Variants in GNB1L observed in about 807,000 individuals in gnomAD.
GNB1L encodes the protein guanine nucleotide-binding protein subunit beta-like protein 1.
In GNB1L, 20 loss-of-function variants were observed where a neutral mutation model predicts 29.1. The observed-to-expected ratio is 0.69, with a 90% CI of 0.48 to 1.00. The LOEUF (loss-of-function observed/expected upper bound fraction) is 1.00, where lower values mean the gene tolerates loss of function less well. GNB1L is among the 50% of genes least tolerant of loss of function. GNB1L has a pLI of 0.00. For synonymous variants in GNB1L, 193 were observed against 206.5 expected (o/e 0.93, Z 0.56); for missense variants, 421 against 464.9 (o/e 0.91, Z 0.87).
chr22:19,808,549 C>A (rs992300943), intron 5 of GNB1L, among the ~76,000 whole-genome samples: 1 of 152,104 alleles, frequency 6.6e-6, no homozygotes, highest in Non-Finnish European at 1.5e-5. Flanking sequence ...GGATTCCTTG[C>A]GGAAAAACCG....
intron 7 of GNB1L, among the ~76,000 whole-genome samples, chr22:19,799,773 G>A (rs978831558): frequency 2.0e-5 from 3 of 152,186 alleles, no homozygotes; most frequent in East Asian, 1.9e-4. Flanking sequence ...GCTTGCTCCC[G>A]GGTGGCAAGA....
rs374008552 is a variant in GNB1L, at chr22:19,852,166, C to T, written c.-21+2277G>A. ...GGGTGTATGCCACCCCAGGAGACGC[C>T]TTGTCCATCTGCTGCCATGGATGTG... On this transcript the variant is annotated intron_variant, in intron 2 of 7. Coordinates refer to ENST00000329517, the MANE Select transcript of GNB1L (RefSeq NM_053004.3). 16 of 1,613,976 alleles carry T rather than the reference C, an allele frequency of 9.9e-6. No homozygotes were observed. The African/African-American group carries it at 1.7e-4, about 17-fold the overall frequency.
chr22:19,806,425 G>A (rs1937435208), intron 6 of GNB1L, among the ~76,000 whole-genome samples: 1 of 152,240 alleles, frequency 6.6e-6, no homozygotes, highest in African/African-American at 2.4e-5. Context: ...ACGAGGACCT[G>A]CTGCCACTGC....
intron 2 of GNB1L, among the ~76,000 whole-genome samples, chr22:19,837,711 A>C (rs1435276534): frequency 6.6e-6 from 1 of 152,220 alleles, no homozygotes; most frequent in African/African-American, 2.4e-5. Flanking sequence ...CATACTGGAG[A>C]CAACCCAAAT....
At chr22:19,821,512 G>A in intron 2 of GNB1L, 137 bp from the exon 3 acceptor site, 2 of 831,330 alleles carry the variant, frequency 2.4e-6, no homozygotes, top group Non-Finnish European at 3.7e-6. Context: ...GGAGAGAGGT[G>A]CCACTGCTCC....
At chr22:19,839,117 G>A (rs12167717) in intron 2 of GNB1L, among the ~76,000 whole-genome samples, 31,737 of 152,122 alleles carry the variant, frequency 0.21, 3,472 homozygotes, top group East Asian at 0.35. Flanking sequence ...ACCAGTGACT[G>A]TCATGGATCA....
At chr22:19,824,896 G>T (rs1238720655) in intron 2 of GNB1L, among the ~76,000 whole-genome samples, 1 of 152,240 alleles carries the variant, frequency 6.6e-6, no homozygotes, top group Non-Finnish European at 1.5e-5. Flanking sequence ...GCTCCTGGGG[G>T]TTCATGCCAG....
intron 2 of GNB1L, chr22:19,850,746 AG>A: frequency 8.1e-7 from 1 of 1,241,078 alleles, no homozygotes; most frequent in Non-Finnish European, 1.0e-6. Flanking sequence ...TACAGGAACG[AG>A]GTCCCAACAG....
intron 2 of GNB1L, chr22:19,852,376 A>T: frequency 8.7e-7 from 1 of 1,152,114 alleles, no homozygotes; most frequent in Non-Finnish European, 1.2e-6. Flanking sequence ...GGCGTGGCAG[A>T]CCCGCACTGG....
rs895295782 is a variant in GNB1L, at chr22:19,833,889, T to TAATATA, written c.-20-12520_-20-12515dup. On this transcript the variant is annotated intron_variant, in intron 2 of 7. Coordinates refer to ENST00000329517, the MANE Select transcript of GNB1L (RefSeq NM_053004.3). ...TCAAAGAGAAAAACAATAATAATAA[T>TAATATA]AATATAAATATAAATATAAATATAA... Among the ~76,000 whole-genome samples, 30 of 149,500 alleles carry TAATATA rather than the reference T, an allele frequency of 2.0e-4. 1 individual carries two copies. The highest frequency in any genetic ancestry group is 9.7e-4 in the East Asian group (5 of 5,138).
rs1222692263 is a variant in GNB1L, at chr22:19,783,370, A to G, written c.*5339T>C. ...GCATGCAAGAGGTGGCAGGGGACAG[A>G]TGTGCTGCTGTTCCCAGGCCACCTG... On this transcript the variant is annotated 3_prime_UTR_variant, in exon 8 of 8. Coordinates refer to ENST00000329517, the MANE Select transcript of GNB1L (RefSeq NM_053004.3). 3 of 354,414 alleles carry G rather than the reference A, an allele frequency of 8.5e-6. No individual in the cohort carries two copies. The highest frequency in any genetic ancestry group is 6.4e-5 in the African/African-American group (3 of 47,002). 22.0% of individuals were successfully genotyped at this position (354,414 alleles called of 1,614,324 possible).
intron 7 of GNB1L, among the ~76,000 whole-genome samples, chr22:19,797,907 C>T (rs1430336749): frequency 1.3e-5 from 2 of 152,206 alleles, no homozygotes; most frequent in East Asian, 1.9e-4. Flanking sequence ...ATCCCAGACG[C>T]TCTGCCTGTC....
intron 7 of GNB1L, chr22:19,793,077 G>T: frequency 1.9e-6 from 3 of 1,583,360 alleles, no homozygotes; most frequent in Non-Finnish European, 2.6e-6. Context: ...TAAAGAACTT[G>T]CCACTAAACT....
intron 7 of GNB1L, chr22:19,792,287 A>AC: frequency 1.4e-6 from 1 of 711,416 alleles, no homozygotes. Context: ...CTCTCCCACC[A>AC]CCCAAGATGC....
At chr22:19,813,779 G>A (rs560718562) in intron 4 of GNB1L, among the ~76,000 whole-genome samples, 180 of 152,312 alleles carry the variant, frequency 1.2e-3, no homozygotes, top group African/African-American at 3.8e-3. Flanking sequence ...AGGATTGCTT[G>A]AGCCCAGGAA....
At chr22:19,831,941 C>T (rs776252789) in intron 2 of GNB1L, among the ~76,000 whole-genome samples, 19 of 152,132 alleles carry the variant, frequency 1.2e-4, no homozygotes, top group Non-Finnish European at 2.8e-4. Flanking sequence ...ATTAAAACTA[C>T]AGAAAAGCTT....
intron 2 of GNB1L, chr22:19,847,641 G>A: frequency 1.1e-6 from 1 of 944,808 alleles, no homozygotes; most frequent in Non-Finnish European, 1.3e-6. Context: ...CCTGGCAAGA[G>A]CCTTCATGCA....
rs369925785 is a variant in GNB1L at position 19,821,335 on chromosome 22, C to A, written c.21G>T (p.Pro7=). ...GGACAAACTGGGGGTCTGGAGGTGG[C>A]GGCGGGCAGGGGGCCGTCATGCTGG... is the stretch of plus-strand genomic sequence containing the variant. MTAPCP[P]PPPDPQFVLR... The change falls in exon 3 of 8, where the codon CCG becomes CCT. Residue 7 remains proline, a synonymous_variant. Coordinates refer to ENST00000329517, the MANE Select transcript of GNB1L (RefSeq NM_053004.3). 19 of 1,612,712 alleles carry A rather than the reference C, an allele frequency of 1.2e-5. No homozygotes were observed. The highest frequency in any genetic ancestry group is 1.6e-5 in the Non-Finnish European group (19 of 1,179,648).
chr22:19,851,427 T>A (rs555274757), intron 2 of GNB1L: 5 of 1,613,994 alleles, frequency 3.1e-6, no homozygotes, highest in East Asian at 2.2e-5. Flanking sequence ...GGCTTGGAGC[T>A]ACATGTAGAA....
Sources: allele counts gnomAD v4.1 joint callset (sites outside exome capture counted in the v4.1 genomes callset), GRCh38; gene constraint gnomAD v4.1.1; transcripts MANE v1.5; gene names NCBI Gene and HGNC (gene_info 2026-07-23, HGNC 2026-07-21).